The following PIAS1 variants were observed in gnomAD, a reference collection of about 807,000 sequenced individuals.
The protein encoded by PIAS1 is E3 SUMO-protein ligase PIAS1.
In PIAS1, 6 loss-of-function variants were observed where a neutral mutation model predicts 71.3. The ratio of observed to expected loss-of-function variants is 0.08; its 90% CI spans 0.05 to 0.17. The LOEUF is 0.17. PIAS1 is among the 10% of genes least tolerant of loss of function. The pLI is 1.00. For missense variants in PIAS1, 555 were observed against 793.6 expected (o/e 0.70, Z 3.61); for synonymous variants, 303 against 292.9 (o/e 1.03, Z -0.35).
At chr15:68,119,894 ACTCT>A (rs1004528660) in intron 2 of PIAS1, among the ~76,000 whole-genome samples, 3 of 150,406 alleles carry the variant, frequency 2.0e-5, no homozygotes, top group Non-Finnish European at 4.4e-5. Context: ...CTATACAGTG[ACTCT>A]CTCTATCCCT....
chr15:68,068,395 C>G (rs1233784371), intron 1 of PIAS1, among the ~76,000 whole-genome samples: 1 of 152,112 alleles, frequency 6.6e-6, no homozygotes, highest in African/African-American at 2.4e-5. Context: ...GTAAGTACAT[C>G]TGGTGATGTT....
chr15:68,098,755 G>A (rs2092399062), intron 2 of PIAS1, among the ~76,000 whole-genome samples: 1 of 152,018 alleles, frequency 6.6e-6, no homozygotes, highest in East Asian at 1.9e-4. Flanking sequence ...CAATAGATTC[G>A]TTGGATTCTG....
chr15:68,133,074 T>C (rs1016368556), intron 2 of PIAS1, among the ~76,000 whole-genome samples: 14 of 152,008 alleles, frequency 9.2e-5, no homozygotes, highest in African/African-American at 3.4e-4. Context: ...TTTTTTAATA[T>C]TGTCGTTGTC....
intron 2 of PIAS1, among the ~76,000 whole-genome samples, chr15:68,128,320 C>T (rs1337558088): frequency 2.0e-5 from 3 of 152,146 alleles, no homozygotes; most frequent in South Asian, 2.1e-4. Flanking sequence ...GCGTGTGCCA[C>T]GACGACCAGC....
chr15:68,114,421 C>G (rs1200923425), intron 2 of PIAS1, among the ~76,000 whole-genome samples: 1 of 151,946 alleles, frequency 6.6e-6, no homozygotes, highest in African/African-American at 2.4e-5. Context: ...TTAATGGGAG[C>G]TGACAGCCTA....
chr15:68,067,089 C>CA (rs5813471), intron 1 of PIAS1, among the ~76,000 whole-genome samples: 4,042 of 152,276 alleles, frequency 0.027, 176 homozygotes, highest in African/African-American at 0.091. Flanking sequence ...ATTTGTGCCT[C>CA]ACCCTTGATC....
rs1555424823 is a variant in PIAS1 at position 68,088,176 on chromosome 15, G to GTATGTATATATATATATATATATA, written c.469+1429_469+1430insGTATATATATATATATATATATAT. The stretch of plus-strand genomic sequence containing the variant: ...TTCTTGTCTGTCTGATTATGTGTGT[G>GTATGTATATATATATATATATATA]TATATATATATATATATATATATAT... On this transcript the variant is annotated intron_variant, in intron 2 of 13. Coordinates refer to ENST00000249636, the MANE Select transcript of PIAS1 (RefSeq NM_016166.3). Among the ~76,000 whole-genome samples, 82 of 72,970 alleles carry GTATGTATATATATATATATATATA rather than the reference G, an allele frequency of 1.1e-3. 2 individuals are homozygous for GTATGTATATATATATATATATATA. Among genetic ancestry groups the GTATGTATATATATATATATATATA allele is most frequent in the African/African-American group, 4.8e-3 (77 of 16,124 alleles). 47.9% of individuals were successfully genotyped at this position (72,970 alleles called of 152,430 possible).
chr15:68,056,888 C>T (rs2091902198), intron 1 of PIAS1, among the ~76,000 whole-genome samples: 1 of 151,820 alleles, frequency 6.6e-6, no homozygotes, highest in African/African-American at 2.4e-5. Context: ...ATCATACATT[C>T]CTAATATGAT....
intron 2 of PIAS1, among the ~76,000 whole-genome samples, chr15:68,122,514 G>A (rs1029430103): frequency 2.0e-5 from 3 of 152,156 alleles, no homozygotes; most frequent in Admixed American, 6.6e-5. Flanking sequence ...AACTCATGAA[G>A]TGAAATGCAA....
intron 7 of PIAS1, among the ~76,000 whole-genome samples, chr15:68,161,644 T>C (rs1012784650): frequency 6.6e-6 from 1 of 152,118 alleles, no homozygotes. Context: ...TTTAAAACTT[T>C]TTTTGTTGCC....
At chr15:68,157,168 C>G (rs1281776796) in intron 7 of PIAS1, among the ~76,000 whole-genome samples, 1 of 152,072 alleles carries the variant, frequency 6.6e-6, no homozygotes, top group Non-Finnish European at 1.5e-5. Context: ...GGGGGGAGAT[C>G]AGAGTGGACT....
intron 1 of PIAS1, among the ~76,000 whole-genome samples, chr15:68,085,184 G>C: frequency 6.6e-6 from 1 of 152,152 alleles, no homozygotes; most frequent in East Asian, 1.9e-4. Context: ...ATTAGTTGGA[G>C]AAATAGAGAG....
At chr15:68,138,785 C>A (rs1459178951) in intron 2 of PIAS1, among the ~76,000 whole-genome samples, 1 of 152,102 alleles carries the variant, frequency 6.6e-6, no homozygotes, top group Non-Finnish European at 1.5e-5. Context: ...AGTTCTGTCA[C>A]TTTAATAAGG....
chr15:68,065,955 C>G (rs1244605141), intron 1 of PIAS1, among the ~76,000 whole-genome samples: 1 of 94,716 alleles, frequency 1.1e-5, no homozygotes, highest in Non-Finnish European at 1.8e-5. Flanking sequence ...GAGATAGGGT[C>G]TTGCTGTGTT....
chr15:68,056,644 GTGA>G (rs1311166732), intron 1 of PIAS1, among the ~76,000 whole-genome samples: 1 of 152,018 alleles, frequency 6.6e-6, no homozygotes, highest in Non-Finnish European at 1.5e-5. Context: ...TGCTTAGCTG[GTGA>G]TAGCGGCGTT....
chr15:68,066,832 A>G (rs1350586147), intron 1 of PIAS1, among the ~76,000 whole-genome samples: 1 of 152,198 alleles, frequency 6.6e-6, no homozygotes, highest in Non-Finnish European at 1.5e-5. Flanking sequence ...TAATTGAATC[A>G]TAATCAGGGA....
chr15:68,166,892 CTCAGG>C (rs2092960656), intron 8 of PIAS1, among the ~76,000 whole-genome samples: 1 of 152,210 alleles, frequency 6.6e-6, no homozygotes, highest in Non-Finnish European at 1.5e-5. Flanking sequence ...GTGCTGCCAT[CTCAGG>C]TCACTGCAGC....
At position 68,187,435 on chromosome 15, in the gene PIAS1, T is replaced by G; in HGVS notation, c.1663-107T>G. Reference sequence around the variant, plus strand: ...GTCTTAGTAAATATTTCAGAAACCCTAGATACTCAGGCTATCTTAAATTTA... The same window carrying G: ...GTCTTAGTAAATATTTCAGAAACCCGAGATACTCAGGCTATCTTAAATTTA... On this transcript the variant is annotated intron_variant, in intron 13 of 13. Coordinates refer to ENST00000249636, the MANE Select transcript of PIAS1 (RefSeq NM_016166.3). This position sits in a 1 kb window ranked among gnomAD's most constrained non-coding sequence, Gnocchi z 5.3. The G allele has an allele frequency of 9.9e-7, 1 of 1,006,872 alleles. No homozygotes were observed. Among genetic ancestry groups the G allele is most frequent in the Non-Finnish European group, 1.5e-6 (1 of 677,158 alleles). 62.4% of individuals were successfully genotyped at this position (1,006,872 alleles called of 1,614,324 possible).
intron 1 of PIAS1, chr15:68,061,337 CT>C (rs946402082): frequency 1.3e-5 from 2 of 152,158 alleles, no homozygotes; most frequent in African/African-American, 4.8e-5. Flanking sequence ...TATATTTCCC[CT>C]TCCATGTTAA....
Sources: allele counts gnomAD v4.1 joint callset (sites outside exome capture counted in the v4.1 genomes callset), GRCh38; gene constraint gnomAD v4.1.1; non-coding constraint Gnocchi (gnomAD v3.1); transcripts MANE v1.5; gene names NCBI Gene and HGNC (gene_info 2026-07-23, HGNC 2026-07-21).